Variants in ADGRV1 observed in about 807,000 individuals in gnomAD.
ADGRV1 encodes G-protein coupled receptor 98.
A neutral mutation model predicts 596.2 loss-of-function variants in ADGRV1; 359 were observed. The ratio of observed to expected loss-of-function variants is 0.60; its 90% confidence interval spans 0.55 to 0.66. The LOEUF is 0.66. Ranked by LOEUF, ADGRV1 falls within the 30% of genes least tolerant of loss-of-function variation. The pLI is 0.00. For missense variants in ADGRV1, 7,274 were observed against 7,575.6 expected (o/e 0.96, Z 1.48); for synonymous variants, 2,681 against 2,679.2 (o/e 1.00, Z -0.02).
chr5:90,784,633 T>A (rs1014565132), intron 67 of ADGRV1, among the ~76,000 whole-genome samples: 1 of 152,112 alleles, frequency 6.6e-6, no homozygotes, highest in Non-Finnish European at 1.5e-5. Flanking sequence ...GTTTCAGGCA[T>A]GGAGGGGTTC....
At position 90,676,009 on chromosome 5, in the gene ADGRV1, G is replaced by A. The variant is rs1691273579; in HGVS notation, c.5314-71G>A. The A allele has an allele frequency of 3.2e-6, 4 of 1,232,766 alleles. No individual in the cohort carries two copies. The African/African-American group carries it at 4.7e-5, about 14-fold the overall frequency. The allele number at this position is 1,232,766 out of a possible 1,614,324, so 76.4% of individuals were successfully genotyped here. A position where few individuals can be genotyped will look rare whatever the true frequency, so the allele number is the denominator to read the frequency against. Reference sequence around the variant, plus strand: ...AAACATTCTGATTTTACAAATTTGTGTACAGAATGATTGTAATCTATTCAT... The same window carrying A: ...AAACATTCTGATTTTACAAATTTGTATACAGAATGATTGTAATCTATTCAT... On this transcript the variant is annotated intron_variant, in intron 24 of 89. Transcript: ENST00000405460.
At chr5:90,865,009 A>C (rs1335590806) in intron 83 of ADGRV1, among the ~76,000 whole-genome samples, 1 of 152,162 alleles carries the variant, frequency 6.6e-6, no homozygotes, top group East Asian at 1.9e-4. Context: ...TGAAATATAA[A>C]ATGGAAAATT....
At chr5:90,573,004 A>T (rs926817180) in intron 1 of ADGRV1, among the ~76,000 whole-genome samples, 1 of 152,202 alleles carries the variant, frequency 6.6e-6, no homozygotes, top group African/African-American at 2.4e-5. Flanking sequence ...GGGCAAATGC[A>T]TCACAGATGG....
chr5:90,564,537 A>C (rs890198635), intron 1 of ADGRV1, among the ~76,000 whole-genome samples: 9 of 152,050 alleles, frequency 5.9e-5, no homozygotes, highest in African/African-American at 2.2e-4. Context: ...CAGAGGTTTG[A>C]TTGTTTTTTA....
intron 1 of ADGRV1, among the ~76,000 whole-genome samples, chr5:90,574,391 G>C (rs1756939703): frequency 6.6e-6 from 1 of 151,916 alleles, no homozygotes; most frequent in African/African-American, 2.4e-5. Context: ...TGTATTCTTA[G>C]GTATTTCATT....
At chr5:90,583,209 G>C (rs529617862) in intron 1 of ADGRV1, among the ~76,000 whole-genome samples, 5 of 152,130 alleles carry the variant, frequency 3.3e-5, no homozygotes, top group Admixed American at 6.5e-5. Flanking sequence ...TAGTAGTTGA[G>C]ACCTTAGTAT....
At chr5:90,786,218 G>C (rs1049542988) in intron 67 of ADGRV1, among the ~76,000 whole-genome samples, 1 of 151,400 alleles carries the variant, frequency 6.6e-6, no homozygotes, top group African/African-American at 2.4e-5. Context: ...CTTGGACACA[G>C]GGCAGGGAAC....
At chr5:90,655,905 AG>A (rs1331420398) in intron 20 of ADGRV1, 5 of 152,220 alleles carry the variant, frequency 3.3e-5, no homozygotes, top group Admixed American at 6.6e-5. Context: ...ATAAACATTA[AG>A]CATACTGTTA....
intron 1 of ADGRV1, among the ~76,000 whole-genome samples, chr5:90,606,841 T>G (rs374026264): frequency 6.6e-6 from 1 of 152,366 alleles, no homozygotes; most frequent in East Asian, 1.9e-4. Context: ...TGTTTGACTC[T>G]TGATTGCTGA....
At chr5:91,042,495 T>C (rs1379310396) in intron 85 of ADGRV1, among the ~76,000 whole-genome samples, 1 of 152,216 alleles carries the variant, frequency 6.6e-6, no homozygotes, top group Non-Finnish European at 1.5e-5. Context: ...CAGACAGCTA[T>C]CTTTAAATAT....
intron 83 of ADGRV1, among the ~76,000 whole-genome samples, chr5:90,922,823 T>C (rs1333765681): frequency 6.6e-6 from 1 of 152,214 alleles, no homozygotes; most frequent in Non-Finnish European, 1.5e-5. Context: ...TCCTCAGGCT[T>C]TAGAAATAGC....
intron 85 of ADGRV1, among the ~76,000 whole-genome samples, chr5:91,070,837 A>G (rs1347754146): frequency 6.6e-6 from 1 of 152,214 alleles, no homozygotes; most frequent in African/African-American, 2.4e-5. Context: ...TTCAAGAGAG[A>G]ATAGATGGCT....
At chr5:90,782,706 A>G (rs561688448) in intron 65 of ADGRV1, among the ~76,000 whole-genome samples, 2 of 152,212 alleles carry the variant, frequency 1.3e-5, no homozygotes, top group Non-Finnish European at 2.9e-5. Context: ...CATAAACCTC[A>G]TTTATTTATA....
chr5:90,707,343 A>G (rs1167144624), intron 38 of ADGRV1, among the ~76,000 whole-genome samples: 1 of 151,996 alleles, frequency 6.6e-6, no homozygotes, highest in Non-Finnish European at 1.5e-5. Flanking sequence ...AGGGGAAGGG[A>G]AAGAGGGAGA....
rs16868972 is a variant in ADGRV1 at position 90,683,933 on chromosome 5, G to T, written c.6012G>T (p.Leu2004Phe). ...TQNITLSIIR[L>F]KGLMGKVLVS... ...ACATCACACTATCAATAATAAGGTT[G>T]AAAGGCCTCATGGGAAAAGTCCTTG... The change falls in exon 28 of 90, where the codon TTG (leucine) becomes TTT (phenylalanine). Residue 2004 changes from leucine (L) to phenylalanine (F), a missense_variant. Leu to Phe is a conservative substitution (Grantham distance 22). This residue lies in a region of ADGRV1 where 3,643 missense variants were observed against 3,809.2 expected (regional missense o/e 0.96). Transcript: ENST00000405460. 264,898 of 1,613,170 alleles carry T rather than the reference G, an allele frequency of 0.16. 27,053 individuals are homozygous for T. The highest frequency in any genetic ancestry group is 0.44 in the African/African-American group (32,699 of 74,884).
rs569112173 is a variant in ADGRV1 at position 90,644,819 on chromosome 5, G to C, written c.2848G>C (p.Gly950Arg). 9.3e-6 allele frequency: 15 copies of C among 1,610,030 alleles called. No homozygotes were observed. In the East Asian group the frequency reaches 2.7e-4, roughly 29 times the overall value. Residue 950 changes from glycine (G) to arginine (R), a missense_variant, in exon 15 of 90, where the codon GGA becomes CGA. Around this residue, in one of 5 missense-constraint regions of ADGRV1, gnomAD observed 1,715 missense variants for 1,708.8 expected, o/e 1.00. Coordinates refer to ENST00000405460, the MANE Select transcript of ADGRV1 (RefSeq NM_032119.4). ...TCCTGTACAAGGGACTGTTGTCTTT[G>C]GAGATCAGGAATTTTCAAAAAATAT... ...VFPVQGTVVF[G>R]DQEFSKNITI...
intron 83 of ADGRV1, among the ~76,000 whole-genome samples, chr5:90,958,228 G>A (rs1396429774): frequency 7.3e-6 from 1 of 136,474 alleles, no homozygotes; most frequent in Non-Finnish European, 1.5e-5. Flanking sequence ...AGGCTGCAAT[G>A]AGCCAAAATT....
rs151020987 is a variant in ADGRV1, at chr5:90,989,877, C to T, written c.18152+4355C>T. Among the ~76,000 whole-genome samples, 350 of 152,194 alleles carry T rather than the reference C, an allele frequency of 2.3e-3. 2 individuals carry two copies. The highest frequency in any genetic ancestry group is 7.9e-3 in the African/African-American group (330 of 41,516). The stretch of plus-strand genomic sequence containing the variant: ...TGTTGCCCGGGCTGGAGTGCAATGG[C>T]GTGATCTCAGCTCACTGCAACCTCC... On this transcript the variant is annotated intron_variant, in intron 85 of 89. Coordinates refer to ENST00000405460, the MANE Select transcript of ADGRV1 (RefSeq NM_032119.4).
Position 90,647,704 on chromosome 5 carries a change from A to G in ADGRV1, c.3229A>G (p.Asn1077Asp). The G allele has an allele frequency of 1.9e-6, 3 of 1,613,684 alleles. No individual in the cohort carries two copies. The highest frequency in any genetic ancestry group is 2.5e-6 in the Non-Finnish European group (3 of 1,179,602). Residue 1077 changes from asparagine to aspartate, a missense_variant, in exon 17 of 90, where the codon AAT becomes GAT. By Grantham distance (23) the Asn-to-Asp change is conservative (BLOSUM62 1). Transcript: ENST00000405460. The stretch of plus-strand genomic sequence containing the variant: ...ACAGCAGAGCATATCCATATTTGTT[A>G]ATGAAGATGGTATCCCGGAAACAGA... ...SRQQSISIFV[N>D]EDGIPETDEP...
Sources: gnomAD v4.1 joint callset for allele counts (sites outside exome capture counted in the v4.1 genomes callset) on GRCh38, gnomAD v4.1.1 for gene constraint, gnomAD v4.1.1 regional missense constraint, MANE v1.5 for transcripts, NCBI Gene and HGNC (gene_info 2026-07-23, HGNC 2026-07-21) for gene names.